The following FOXN3 variants were observed in gnomAD, a reference collection of about 807,000 sequenced individuals.
FOXN3 encodes forkhead box protein N3.
Under a neutral mutation model 38.4 loss-of-function variants are expected in FOXN3, and 7 were observed. The observed-to-expected ratio is 0.18, with a 90% CI of 0.10 to 0.34. FOXN3 has a LOEUF of 0.34. Ranked by LOEUF, FOXN3 falls within the 10% of genes least tolerant of loss-of-function variation. The probability of loss-of-function intolerance (pLI) is 1.00; values close to 1 mark genes in which losing one functional copy is unlikely to be tolerated. For synonymous variants in FOXN3, 230 were observed against 242.2 expected (o/e 0.95, Z 0.47); for missense variants, 456 against 613.4 (o/e 0.74, Z 2.71).
chr14:89,417,006 G>A lies in FOXN3; in HGVS notation c.-150C>T, dbSNP rs1206991297. The A allele has an allele frequency of 2.1e-5, 3 of 145,638 alleles. No homozygotes were observed. Among genetic ancestry groups the A allele is most frequent in the Non-Finnish European group, 4.6e-5 (3 of 65,544 alleles). The allele number at this position is 145,638 out of a possible 1,614,324, so 9.0% of individuals were successfully genotyped here. On this transcript the variant is annotated 5_prime_UTR_variant, in exon 1 of 6. Coordinates refer to ENST00000557258, the MANE Select transcript of FOXN3 (RefSeq NM_005197.4). ...GCGGGCGCGGCGCGGCGAGCCCGGG[G>A]CGGCGGGCGGCGGGGGGCGGCCGCG...
At chr14:89,509,143 T>A (rs1378622379) in intron 1 of FOXN3, among the ~76,000 whole-genome samples, 1 of 151,866 alleles carries the variant, frequency 6.6e-6, no homozygotes, top group African/African-American at 2.4e-5. Flanking sequence ...CAGGTCCCTA[T>A]CAGTACCTCC....
At position 89,468,075 on chromosome 14, in the gene FOXN3, A is replaced by T. The variant is rs910509396; in HGVS notation, c.-14-55585T>A. On this transcript the variant is annotated intron_variant, in intron 1 of 6. Transcript: ENST00000345097. ...ATACATGCATCTACATAATTTGATT[A>T]TTTTTTTTTTTATAAATAGGATCCC... 1.6e-3 allele frequency among the ~76,000 whole-genome samples: 233 copies of T among 142,242 alleles called. 2 individuals carry two copies. The highest frequency in any genetic ancestry group is 5.8e-3 in the African/African-American group (210 of 36,096). The allele number at this position is 142,242 out of a possible 152,430, so 93.3% of individuals were successfully genotyped here. A position where few individuals can be genotyped will look rare whatever the true frequency, so the allele number is the denominator to read the frequency against.
chr14:89,532,972 A>C (rs1894602345), intron 1 of FOXN3, among the ~76,000 whole-genome samples: 1 of 152,260 alleles, frequency 6.6e-6, no homozygotes, highest in African/African-American at 2.4e-5. Flanking sequence ...GGAGGCTGAC[A>C]TGCCAGAATT....
chr14:89,297,812 T>C (rs1185454270), intron 3 of FOXN3, among the ~76,000 whole-genome samples: 2 of 151,714 alleles, frequency 1.3e-5, no homozygotes, highest in Non-Finnish European at 2.9e-5. Flanking sequence ...ACCCTGATTC[T>C]ACAAAAAAAA....
At chr14:89,498,470 C>G (rs1342743276) in intron 1 of FOXN3, among the ~76,000 whole-genome samples, 3 of 152,158 alleles carry the variant, frequency 2.0e-5, no homozygotes, top group Non-Finnish European at 4.4e-5. Flanking sequence ...ATCCGCCCGC[C>G]TCTGCCTCCA....
At chr14:89,458,011 T>C (rs1892762646) in intron 1 of FOXN3, among the ~76,000 whole-genome samples, 1 of 109,892 alleles carries the variant, frequency 9.1e-6, no homozygotes, top group African/African-American at 3.7e-5. Flanking sequence ...GCCTGAGCGA[T>C]AAGAGCGAAA....
chr14:89,339,882 G>A (rs1001694424), intron 3 of FOXN3, among the ~76,000 whole-genome samples: 1 of 152,184 alleles, frequency 6.6e-6, no homozygotes, highest in Non-Finnish European at 1.5e-5. Context: ...CCTCCCACGC[G>A]GGACTCTGCT....
rs58769284 is a variant in FOXN3, at chr14:89,555,882, G to GTGTGGGTGT, written c.-15+63145_-15+63146insACACCCACA. On this transcript the variant is annotated intron_variant, in intron 1 of 6. Transcript: ENST00000345097. ...GTGTGTGTGTGTGTGTGTGTATGTG[G>GTGTGGGTGT]GGGTGTATGTGGGGGTGTGTGTGTT... Among the ~76,000 whole-genome samples, 45 of 104,602 alleles carry GTGTGGGTGT rather than the reference G, an allele frequency of 4.3e-4. 4 individuals are homozygous for GTGTGGGTGT. Among genetic ancestry groups the GTGTGGGTGT allele is most frequent in the South Asian group, 1.5e-3 (4 of 2,682 alleles). 68.6% of individuals were successfully genotyped at this position (104,602 alleles called of 152,430 possible).
At chr14:89,210,881 A>C (rs1884069350) in intron 4 of FOXN3, among the ~76,000 whole-genome samples, 1 of 152,124 alleles carries the variant, frequency 6.6e-6, no homozygotes, top group African/African-American at 2.4e-5. Context: ...GGCTCACTTC[A>C]TTTTGCTTTA....
intron 4 of FOXN3, among the ~76,000 whole-genome samples, chr14:89,191,486 C>G (rs1176200944): frequency 1.3e-5 from 2 of 152,150 alleles, no homozygotes; most frequent in Admixed American, 6.5e-5. Context: ...TCCGCCAAAC[C>G]CAATGACTAA....
chr14:89,240,439 A>C (rs976135456), intron 4 of FOXN3, among the ~76,000 whole-genome samples: 8 of 152,266 alleles, frequency 5.3e-5, no homozygotes, highest in African/African-American at 1.2e-4. Context: ...TATTCACTGC[A>C]ACACTGTTTG....
At chr14:89,371,251 C>T (rs1890311300) in intron 2 of FOXN3, among the ~76,000 whole-genome samples, 1 of 152,058 alleles carries the variant, frequency 6.6e-6, no homozygotes, top group Non-Finnish European at 1.5e-5. Context: ...AAGGTGGGGG[C>T]TCTTAACTTT....
At chr14:89,204,037 C>T (rs942852039) in intron 4 of FOXN3, among the ~76,000 whole-genome samples, 10 of 142,304 alleles carry the variant, frequency 7.0e-5, no homozygotes, top group Admixed American at 1.5e-4. Context: ...ACCGGTATAA[C>T]CAGGCATACT....
intron 2 of FOXN3, among the ~76,000 whole-genome samples, chr14:89,396,957 G>A (rs1357591922): frequency 6.6e-6 from 1 of 150,404 alleles, no homozygotes; most frequent in African/African-American, 2.5e-5. Flanking sequence ...AGCGACTGCT[G>A]TGGCCTTTTT....
intron 5 of FOXN3, among the ~76,000 whole-genome samples, chr14:89,166,331 G>C (rs1887241521): frequency 6.6e-6 from 1 of 152,142 alleles, no homozygotes; most frequent in Non-Finnish European, 1.5e-5. Context: ...GGATTAAAGG[G>C]AGAATAGAAA....
chr14:89,310,097 C>T (rs1434881415), intron 3 of FOXN3, among the ~76,000 whole-genome samples: 1 of 152,204 alleles, frequency 6.6e-6, no homozygotes, highest in East Asian at 1.9e-4. Context: ...CCCCTGGGTG[C>T]CAGCACCCTA....
rs554523872 is a variant in FOXN3 at position 89,197,451 on chromosome 14, A to G, written c.746-16645T>C. Among the ~76,000 whole-genome samples, 3 of 151,996 alleles carry G rather than the reference A, an allele frequency of 2.0e-5. No individual in the cohort carries two copies. The South Asian group carries it at 6.2e-4, about 32-fold the overall frequency. The stretch of plus-strand genomic sequence containing the variant: ...GAACCTGAAGGCAGAGGTTGCAGTG[A>G]GCCGAGATGGTGCCACTGCACTCCA... On this transcript the variant is annotated intron_variant, in intron 4 of 5. Coordinates refer to ENST00000557258, the MANE Select transcript of FOXN3 (RefSeq NM_005197.4).
intron 4 of FOXN3, among the ~76,000 whole-genome samples, chr14:89,226,176 A>T (rs1411138897): frequency 2.5e-5 from 2 of 80,598 alleles, no homozygotes; most frequent in East Asian, 3.7e-4. Flanking sequence ...AAGGAGACAT[A>T]AAAAAAAAAA....
chr14:89,214,899 A>C (rs1328113932), intron 4 of FOXN3, among the ~76,000 whole-genome samples: 3 of 152,230 alleles, frequency 2.0e-5, no homozygotes, highest in Non-Finnish European at 4.4e-5. Flanking sequence ...GCTGCTTCTG[A>C]CTATAAAACT....
Sources: allele counts gnomAD v4.1 joint callset (sites outside exome capture counted in the v4.1 genomes callset), GRCh38; gene constraint gnomAD v4.1.1; transcripts MANE v1.5; gene names NCBI Gene and HGNC (gene_info 2026-07-23, HGNC 2026-07-21).